HIVEP3: variants seen among roughly 807,000 people sequenced by gnomAD.
HIVEP3 encodes the protein transcription factor HIVEP3.
HIVEP3 carries 49 observed loss-of-function variants against 152.8 expected under a neutral mutation model. The ratio of observed to expected loss-of-function variants is 0.32; its 90% confidence interval spans 0.26 to 0.41. HIVEP3 has a LOEUF of 0.41. HIVEP3 is among the 10% of genes least tolerant of loss of function. HIVEP3 has a pLI of 1.00. For synonymous variants in HIVEP3, 1,269 were observed against 1,289.0 expected (o/e 0.98, Z 0.33); for missense variants, 2,790 against 3,103.3 (o/e 0.90, Z 2.40).
intron 1 of HIVEP3, among the ~76,000 whole-genome samples, chr1:41,748,980 G>T (rs1392277103): frequency 1.3e-5 from 2 of 152,160 alleles, no homozygotes; most frequent in East Asian, 3.9e-4. Context: ...TCTGAGACAG[G>T]TGCCACAAAT....
upstream of HIVEP3, among the ~76,000 whole-genome samples, chr1:41,921,461 C>G (rs886160378): frequency 6.6e-6 from 1 of 152,210 alleles, no homozygotes; most frequent in Non-Finnish European, 1.5e-5. Context: ...CACACGCTCT[C>G]TTGCCTGCCA....
At chr1:41,562,971 G>C (rs1172379435) in intron 5 of HIVEP3, among the ~76,000 whole-genome samples, 1 of 151,998 alleles carries the variant, frequency 6.6e-6, no homozygotes, top group African/African-American at 2.4e-5. Flanking sequence ...AAAGCCTGGA[G>C]GTTTCTTCTC....
At chr1:41,862,330 G>A (rs1460911397) in intron 1 of HIVEP3, among the ~76,000 whole-genome samples, 1 of 152,172 alleles carries the variant, frequency 6.6e-6, no homozygotes, top group Non-Finnish European at 1.5e-5. Context: ...CTGACCATAA[G>A]CTAAGAGCAG....
chr1:41,770,067 C>T (rs965138064), intron 1 of HIVEP3, among the ~76,000 whole-genome samples: 2 of 152,178 alleles, frequency 1.3e-5, no homozygotes, highest in African/African-American at 4.8e-5. Context: ...CTCCCGGGTT[C>T]ACACCATTCT....
intron 5 of HIVEP3, among the ~76,000 whole-genome samples, chr1:41,539,450 T>C (rs1001628879): frequency 3.9e-5 from 6 of 152,220 alleles, no homozygotes; most frequent in Admixed American, 2.0e-4. Flanking sequence ...AAACTGTCCA[T>C]CTTCTCCCAG....
intron 2 of HIVEP3, among the ~76,000 whole-genome samples, chr1:41,698,295 C>T (rs560174582): frequency 1.3e-5 from 2 of 152,282 alleles, no homozygotes; most frequent in African/African-American, 2.4e-5. Flanking sequence ...TGTCTGAGGA[C>T]CTGTTCCCTC....
At chr1:41,644,430 C>T (rs887952487) in intron 2 of HIVEP3, among the ~76,000 whole-genome samples, 10 of 152,162 alleles carry the variant, frequency 6.6e-5, no homozygotes, top group Admixed American at 5.2e-4. Context: ...AAAACCTGAA[C>T]AAGTCTGTCT....
At chr1:41,740,966 G>C (rs895240768) in intron 1 of HIVEP3, among the ~76,000 whole-genome samples, 1 of 152,132 alleles carries the variant, frequency 6.6e-6, no homozygotes, top group African/African-American at 2.4e-5. Flanking sequence ...GTGCTTTTCT[G>C]TCCTCTCATC....
At chr1:41,600,143 T>G (rs771126922) in intron 3 of HIVEP3, among the ~76,000 whole-genome samples, 1 of 152,220 alleles carries the variant, frequency 6.6e-6, no homozygotes, top group Non-Finnish European at 1.5e-5. Context: ...GCAGCCTCTA[T>G]GGAAAACACT....
intron 3 of HIVEP3, among the ~76,000 whole-genome samples, chr1:41,627,766 C>G (rs1301368269): frequency 6.6e-6 from 1 of 152,204 alleles, no homozygotes; most frequent in South Asian, 2.1e-4. Context: ...GAAGGAGGCC[C>G]TGGAGTCCCC....
At chr1:41,563,727 G>A (rs1023294590) in intron 5 of HIVEP3, among the ~76,000 whole-genome samples, 5 of 151,936 alleles carry the variant, frequency 3.3e-5, no homozygotes, top group African/African-American at 9.7e-5. Flanking sequence ...ACAATAAAGG[G>A]GCACTTGAGA....
At chr1:41,525,406 C>T (rs564917045) in intron 5 of HIVEP3, among the ~76,000 whole-genome samples, 236 of 152,282 alleles carry the variant, frequency 1.5e-3, no homozygotes, top group African/African-American at 5.5e-3. Flanking sequence ...TGTGAGACCC[C>T]GAGATTTAGA....
chr1:41,892,760 C>G (rs1644465621), intron 1 of HIVEP3, among the ~76,000 whole-genome samples: 1 of 152,100 alleles, frequency 6.6e-6, no homozygotes, highest in Non-Finnish European at 1.5e-5. Flanking sequence ...TCAAACCAGC[C>G]ACATAGCCTG....
At chr1:41,903,184 T>G (rs941413807) in intron 1 of HIVEP3, among the ~76,000 whole-genome samples, 14 of 152,224 alleles carry the variant, frequency 9.2e-5, no homozygotes, top group Non-Finnish European at 1.5e-4. Context: ...AGCATCTCCC[T>G]TGCTCAAAGC....
At chr1:41,518,309 A>G in intron 7 of HIVEP3, 93 bp downstream of exon 7, 3 of 1,060,024 alleles carry the variant, frequency 2.8e-6, no homozygotes, top group Non-Finnish European at 4.4e-6. Flanking sequence ...CAAAGCAGAC[A>G]GAAAGGAAGC....
upstream of HIVEP3, among the ~76,000 whole-genome samples, chr1:41,921,424 A>T (rs1226328829): frequency 6.6e-6 from 1 of 152,034 alleles, no homozygotes; most frequent in East Asian, 1.9e-4. Context: ...ATGAGATCTG[A>T]TGGTTTTATA....
Position 41,510,205 on chromosome 1 carries a change from C to A in HIVEP3, c.*246G>T. Reference sequence around the variant, plus strand: ...CATAAACTATTCACAGCCTCAGACTCCTCGTGGGTTGTTGTTTTTTTTTTA... The same window carrying A: ...CATAAACTATTCACAGCCTCAGACTACTCGTGGGTTGTTGTTTTTTTTTTA... On this transcript the variant is annotated 3_prime_UTR_variant, in exon 9 of 9. Transcript: ENST00000372583. 4 of 363,126 alleles carry A rather than the reference C, an allele frequency of 1.1e-5. No homozygotes were observed. Among genetic ancestry groups the A allele is most frequent in the Non-Finnish European group, 1.9e-5 (4 of 205,244 alleles). The allele number at this position is 363,126 out of a possible 1,614,324, so 22.5% of individuals were successfully genotyped here.
chr1:41,792,443 C>A (rs778557979), intron 1 of HIVEP3, among the ~76,000 whole-genome samples: 1 of 152,210 alleles, frequency 6.6e-6, no homozygotes, highest in African/African-American at 2.4e-5. Context: ...TTCCTCCAGC[C>A]GTGGTGGTGC....
At chr1:41,769,343 T>C (rs1648207558) in intron 1 of HIVEP3, among the ~76,000 whole-genome samples, 2 of 152,176 alleles carry the variant, frequency 1.3e-5, no homozygotes, top group Non-Finnish European at 2.9e-5. Flanking sequence ...TAGTATACAA[T>C]CAAAAAGTAA....
Sources: allele counts gnomAD v4.1 joint callset (sites outside exome capture counted in the v4.1 genomes callset), GRCh38; gene constraint gnomAD v4.1.1; transcripts MANE v1.5; gene names NCBI Gene and HGNC (gene_info 2026-07-23, HGNC 2026-07-21).